MCPH1: variants seen among roughly 807,000 people sequenced by gnomAD.
MCPH1 encodes microcephalin.
In MCPH1, 104 loss-of-function variants were observed where a neutral mutation model predicts 84.5. The observed-to-expected ratio is 1.23, with a 90% confidence interval of 1.05 to 1.45. The LOEUF is 1.45. MCPH1 is among the 40% of genes most tolerant of loss of function. MCPH1 has a pLI of 0.00. For synonymous variants in MCPH1, 514 were observed against 366.8 expected (o/e 1.40, Z -4.58); for missense variants, 1,498 against 1,005.7 (o/e 1.49, Z -6.62).
chr8:6,407,521 G>C (rs1469345920), intron 1 of MCPH1, among the ~76,000 whole-genome samples: 1 of 152,148 alleles, frequency 6.6e-6, no homozygotes, highest in Non-Finnish European at 1.5e-5. Flanking sequence ...GAGGGGAATA[G>C]CGGACACGTG....
chr8:6,484,738 T>C (rs1190998100), intron 11 of MCPH1, among the ~76,000 whole-genome samples: 2 of 152,234 alleles, frequency 1.3e-5, no homozygotes, highest in Non-Finnish European at 1.5e-5. Flanking sequence ...CTCAGGGGCA[T>C]CATGCCAAGT....
rs1336965894 is a variant in MCPH1, at chr8:6,595,576, A to G, written c.2215-25878A>G. On this transcript the variant is annotated intron_variant, in intron 12 of 13. Coordinates refer to ENST00000344683, the MANE Select transcript of MCPH1 (RefSeq NM_024596.5). ...CAGGTGGGCTTCTGCTCCAGAAGAG[A>G]TGCGGGAGCCCTGCAGGTTTGAGTG... 2.0e-5 allele frequency among the ~76,000 whole-genome samples: 3 copies of G among 152,142 alleles called. No homozygotes were observed. The South Asian group carries it at 6.2e-4, about 32-fold the overall frequency.
At chr8:6,456,180 A>C (rs1178638775) in intron 9 of MCPH1, among the ~76,000 whole-genome samples, 2 of 152,186 alleles carry the variant, frequency 1.3e-5, no homozygotes, top group South Asian at 2.1e-4. Context: ...GAGCAAGAAA[A>C]TGGAAAGGAA....
intron 12 of MCPH1, among the ~76,000 whole-genome samples, chr8:6,592,623 G>GTTTTTTTTTTTTTTTTTTTTTTTTTTTT (rs573651366): frequency 5.2e-5 from 4 of 77,588 alleles, no homozygotes; most frequent in African/African-American, 1.1e-4. Context: ...TCTTTTTTTT[G>GTTTTTTTTTTTTTTTTTTTTTTTTTTTT]TTTTTTTTTT....
intron 11 of MCPH1, among the ~76,000 whole-genome samples, chr8:6,491,443 A>T (rs1810574782): frequency 6.7e-6 from 1 of 149,612 alleles, no homozygotes; most frequent in East Asian, 2.0e-4. Flanking sequence ...CTTTAAAAGC[A>T]TTGCTCAGAA....
At chr8:6,467,388 C>G (rs1807110728) in intron 9 of MCPH1, among the ~76,000 whole-genome samples, 1 of 152,048 alleles carries the variant, frequency 6.6e-6, no homozygotes, top group African/African-American at 2.4e-5. Flanking sequence ...AGTATATTTG[C>G]TATTTATTTG....
chr8:6,474,009 C>T, intron 9 of MCPH1: 1 of 877,202 alleles, frequency 1.1e-6, no homozygotes, highest in Non-Finnish European at 1.9e-6. Context: ...TGAATATTGT[C>T]TTTTAGTTTC....
chr8:6,605,734 G>T (rs1829716469), intron 12 of MCPH1, among the ~76,000 whole-genome samples: 1 of 151,996 alleles, frequency 6.6e-6, no homozygotes, highest in African/African-American at 2.4e-5. Context: ...GTCTCACTCT[G>T]TCACCCAGGC....
At chr8:6,415,161 C>T (rs1799087371) in intron 3 of MCPH1, among the ~76,000 whole-genome samples, 1 of 152,024 alleles carries the variant, frequency 6.6e-6, no homozygotes, top group Non-Finnish European at 1.5e-5. Flanking sequence ...TGTGATGAAG[C>T]AGATTGTGTT....
At chr8:6,598,585 C>G (rs1177482379) in intron 12 of MCPH1, among the ~76,000 whole-genome samples, 2 of 152,212 alleles carry the variant, frequency 1.3e-5, no homozygotes, top group Non-Finnish European at 2.9e-5. Flanking sequence ...GCTTTCTTCC[C>G]GAACACCCAA....
intron 12 of MCPH1, among the ~76,000 whole-genome samples, chr8:6,578,776 T>A (rs1827315473): frequency 6.6e-6 from 1 of 152,140 alleles, no homozygotes. Context: ...CAGATCAATG[T>A]AAAGGCAGGT....
intron 13 of MCPH1, among the ~76,000 whole-genome samples, 187 bp downstream of exon 13, chr8:6,621,878 C>T (rs1055648804): frequency 6.6e-6 from 1 of 152,044 alleles, no homozygotes; most frequent in African/African-American, 2.4e-5. Flanking sequence ...TTGCTGTTAG[C>T]AGACGTACAG....
intron 12 of MCPH1, among the ~76,000 whole-genome samples, chr8:6,528,097 A>T (rs71525734): frequency 0.24 from 36,193 of 151,888 alleles, 5,389 homozygotes; most frequent in Middle Eastern, 0.41. Flanking sequence ...GGGTTTCACC[A>T]TGTTGGCCAG....
intron 12 of MCPH1, among the ~76,000 whole-genome samples, chr8:6,620,697 A>G (rs1191832962): frequency 6.6e-6 from 1 of 152,220 alleles, no homozygotes; most frequent in African/African-American, 2.4e-5. Context: ...GGGTGTGTAC[A>G]CTGAAGAAGT....
intron 3 of MCPH1, among the ~76,000 whole-genome samples, chr8:6,426,818 T>C (rs768091655): frequency 1.3e-5 from 2 of 151,970 alleles, no homozygotes; most frequent in Non-Finnish European, 2.9e-5. Flanking sequence ...TGTAGTGGTA[T>C]TTCATGGTTT....
Position 6,444,374 on chromosome 8 carries a change from C to A in MCPH1, c.671-19C>A, listed in dbSNP as rs1803945159. On this transcript the variant is annotated intron_variant, in intron 7 of 13. Transcript: ENST00000344683. ...TTTAAACCACTTTTAAAAGTTAGCT[C>A]TCCGTTAATGTTTTCCAGATGAATA... 6.2e-7 allele frequency: 1 copy of A among 1,613,642 alleles called. No homozygotes were observed. Among genetic ancestry groups the A allele is most frequent in the Admixed American group, 1.7e-5 (1 of 59,988 alleles).
chr8:6,576,908 G>T (rs530419496), intron 12 of MCPH1, among the ~76,000 whole-genome samples: 1 of 151,704 alleles, frequency 6.6e-6, no homozygotes, highest in Non-Finnish European at 1.5e-5. Flanking sequence ...CATCTCAGCC[G>T]CCCCTGCTCA....
intron 9 of MCPH1, among the ~76,000 whole-genome samples, chr8:6,461,006 T>C (rs1039650508): frequency 7.2e-5 from 11 of 151,918 alleles, no homozygotes; most frequent in African/African-American, 2.2e-4. Flanking sequence ...CTAAATAGAG[T>C]TTTGGTGTGA....
At chr8:6,433,987 C>T (rs866400850) in intron 4 of MCPH1, among the ~76,000 whole-genome samples, 4 of 152,086 alleles carry the variant, frequency 2.6e-5, no homozygotes, top group Admixed American at 2.6e-4. Context: ...ACATTCTTCC[C>T]CCAAAATCCT....
Sources: gnomAD v4.1 joint callset for allele counts (sites outside exome capture counted in the v4.1 genomes callset) on GRCh38, gnomAD v4.1.1 for gene constraint, MANE v1.5 for transcripts, NCBI Gene and HGNC (gene_info 2026-07-23, HGNC 2026-07-21) for gene names.